Variants in DST observed in about 807,000 individuals in gnomAD.
DST encodes the protein dystonin, also known as bullous pemphigoid antigen.
In DST, 253 loss-of-function variants were observed where a neutral mutation model predicts 875.2. That is an observed-to-expected ratio of 0.29 (90% CI 0.26 to 0.32). The LOEUF (loss-of-function observed/expected upper bound fraction) is 0.32, where lower values mean the gene tolerates loss of function less well. DST is among the 10% of genes least tolerant of loss of function. The probability of loss-of-function intolerance (pLI) is 1.00; values close to 1 mark genes in which losing one functional copy is unlikely to be tolerated. For synonymous variants in DST, 3,124 were observed against 3,197.1 expected (o/e 0.98, Z 0.77); for missense variants, 8,287 against 9,111.6 (o/e 0.91, Z 3.68).
chr6:56,627,888 C>T, intron 33 of DST, 111 bp downstream of exon 33: 4 of 1,012,070 alleles, frequency 4.0e-6, no homozygotes, highest in Non-Finnish European at 6.2e-6. Context: ...ATACTCTCCA[C>T]CTTCCTCTAA....
At chr6:56,913,041 A>G (rs1799431416) in intron 2 of DST, among the ~76,000 whole-genome samples, 1 of 152,222 alleles carries the variant, frequency 6.6e-6, no homozygotes, top group African/African-American at 2.4e-5. Context: ...GACTACAACT[A>G]TTGGGGCCTC....
intron 70 of DST, 91 bp downstream of exon 70, chr6:56,517,410 G>T: frequency 6.3e-7 from 1 of 1,583,202 alleles, no homozygotes; most frequent in Non-Finnish European, 8.6e-7. Context: ...CACTAGAGGG[G>T]TCTTAAAAAG....
Position 56,597,840 on chromosome 6 carries a change from C to A in DST, c.12095G>T (p.Gly4032Val), listed in dbSNP as rs2098406204. The A allele has an allele frequency of 6.2e-7, 1 of 1,613,956 alleles. No individual in the cohort carries two copies. Among genetic ancestry groups the A allele is most frequent in the Non-Finnish European group, 8.5e-7 (1 of 1,179,868 alleles). The change falls in exon 47 of 104, where the codon GGA (glycine) becomes GTA (valine). Residue 4032 changes from glycine to valine, a missense_variant. Physicochemically the swap from Gly to Val is moderately radical, Grantham distance 109 (BLOSUM62 -3). This residue lies in a region of DST where 1,513 missense variants were observed against 1,677.8 expected (regional missense o/e 0.90). Transcript: ENST00000680361. ...GTTACCATTAACTTCATCCTCTTCT[C>A]CAATTGCTGACTTGCCATCACCTTC... is the stretch of plus-strand genomic sequence containing the variant. ...FQEGDGKSAI[G>V]EEDEVNGNLL...
At chr6:56,614,811 A>T (rs775471321) in intron 36 of DST, 4 of 1,008,364 alleles carry the variant, frequency 4.0e-6, no homozygotes, top group Non-Finnish European at 4.7e-6. Flanking sequence ...TTGCATTAGC[A>T]TTACAATCCT....
At chr6:56,864,977 A>T (rs1489568096) in intron 3 of DST, among the ~76,000 whole-genome samples, 1 of 152,184 alleles carries the variant, frequency 6.6e-6, no homozygotes, top group African/African-American at 2.4e-5. Context: ...GTGGCACAGT[A>T]TCAGTCATTT....
intron 25 of DST, 32 bp from the exon 26 acceptor site, chr6:56,634,648 T>C: frequency 1.2e-6 from 2 of 1,613,574 alleles, no homozygotes; most frequent in Non-Finnish European, 1.7e-6. Flanking sequence ...AATAACTCAA[T>C]GAGGTCACTG....
chr6:56,901,827 T>A (rs1314052744), intron 2 of DST, among the ~76,000 whole-genome samples: 2 of 152,158 alleles, frequency 1.3e-5, no homozygotes, highest in Admixed American at 6.6e-5. Flanking sequence ...ACTGAGAACA[T>A]GCAATTTTGG....
At chr6:56,732,305 A>C (rs1015115275) in intron 5 of DST, among the ~76,000 whole-genome samples, 2 of 152,256 alleles carry the variant, frequency 1.3e-5, no homozygotes, top group African/African-American at 4.8e-5. Context: ...ATTTGGTTGA[A>C]AAGGAATATC....
chr6:56,466,452 A>T (rs1268784189), intron 98 of DST: 2 of 284,616 alleles, frequency 7.0e-6, no homozygotes, highest in Non-Finnish European at 1.3e-5. Flanking sequence ...TGGTCTAAAA[A>T]TTATTTTTCT....
At chr6:56,900,028 C>T (rs188099219) in intron 3 of DST, among the ~76,000 whole-genome samples, 1 of 140,342 alleles carries the variant, frequency 7.1e-6, no homozygotes, top group East Asian at 1.9e-4. Context: ...AAGACTCCAG[C>T]CCCACCTTCC....
chr6:56,734,998 C>T (rs2099517789), intron 5 of DST: 1 of 408,874 alleles, frequency 2.4e-6, no homozygotes, highest in Non-Finnish European at 4.3e-6. Flanking sequence ...GTTTTACTAA[C>T]GTCACAGAAT....
intron 57 of DST, 68 bp downstream of exon 57, chr6:56,561,240 C>A: frequency 6.7e-7 from 1 of 1,485,746 alleles, no homozygotes. Flanking sequence ...TTCTGACTAC[C>A]AGAGCTCCGT....
At chr6:56,629,194 T>C in intron 32 of DST, 56 bp downstream of exon 32, 1 of 1,567,648 alleles carries the variant, frequency 6.4e-7, no homozygotes, top group Non-Finnish European at 8.8e-7. Flanking sequence ...ATTTTACTCA[T>C]TTACCATAGA....
chr6:56,553,680 T>C (rs2097354945), intron 60 of DST, 25 bp from the exon 61 acceptor site: 3 of 1,583,838 alleles, frequency 1.9e-6, no homozygotes, highest in Non-Finnish European at 2.6e-6. Flanking sequence ...ACAAGATATG[T>C]TTATTTTACA....
At chr6:56,511,428 A>T in intron 72 of DST, 28 bp from the exon 73 acceptor site, 1 of 1,563,664 alleles carries the variant, frequency 6.4e-7, no homozygotes, top group Non-Finnish European at 8.7e-7. Flanking sequence ...GCTTTTCAGT[A>T]TCTCAGGGTC....
chr6:56,636,526 A>G, intron 23 of DST, 31 bp downstream of exon 23: 1 of 1,563,082 alleles, frequency 6.4e-7, no homozygotes, highest in Non-Finnish European at 8.8e-7. Flanking sequence ...TCACAATACC[A>G]TCTATTGAAG....
At chr6:56,951,484 C>T (rs1453422236) in intron 2 of DST, among the ~76,000 whole-genome samples, 3 of 151,910 alleles carry the variant, frequency 2.0e-5, no homozygotes, top group Non-Finnish European at 4.4e-5. Context: ...TGTTTAAAAC[C>T]AAGTAAATTC....
At position 56,606,932 on chromosome 6, in the gene DST, C is replaced by G. The variant is rs778051413; in HGVS notation, c.7696G>C (p.Asp2566His). 6 of 1,613,350 alleles carry G rather than the reference C, an allele frequency of 3.7e-6. No homozygotes were observed. In the Admixed American group the frequency reaches 6.7e-5, roughly 18 times the overall value. The change falls in exon 40 of 104, where the codon GAT becomes CAT. Residue 2566 changes from aspartate (D) to histidine (H), a missense_variant. Physicochemically the swap from Asp to His is moderately conservative, Grantham distance 81. Transcript: ENST00000680361. ...EYSCAVTPGG[D>H]TDNAIVSLTC... ...AGAGACACAATGGCATTATCAGTATCACCCCCTGGAGTCACAGCACAGGAA... is the reference window on the plus strand; with the variant it reads ...AGAGACACAATGGCATTATCAGTATGACCCCCTGGAGTCACAGCACAGGAA...
intron 98 of DST, among the ~76,000 whole-genome samples, chr6:56,468,036 G>A (rs1463695345): frequency 6.6e-6 from 1 of 152,028 alleles, no homozygotes; most frequent in Non-Finnish European, 1.5e-5. Flanking sequence ...TTATTTGCTT[G>A]CAATAAATAA....
Sources: allele counts gnomAD v4.1 joint callset (sites outside exome capture counted in the v4.1 genomes callset), GRCh38; gene constraint gnomAD v4.1.1; regional missense constraint gnomAD v4.1.1; transcripts MANE v1.5; gene names NCBI Gene and HGNC (gene_info 2026-07-23, HGNC 2026-07-21).